GADL1: variants seen among roughly 807,000 people sequenced by gnomAD.
GADL1 encodes the protein acidic amino acid decarboxylase GADL1.
In GADL1, 71 loss-of-function variants were observed where a neutral mutation model predicts 69.5. The observed-to-expected ratio is 1.02, with a 90% CI of 0.84 to 1.25. GADL1 has a LOEUF of 1.25. Among genes scored for constraint, GADL1 ranks in the 50% most tolerant of loss-of-function variants. The pLI is 0.00. For synonymous variants in GADL1, 254 were observed against 214.4 expected, an observed-to-expected ratio of 1.18 and a Z score of -1.62; for missense variants, 737 against 631.8, an observed-to-expected ratio of 1.17 and a Z score of -1.79.
At chr3:30,765,352 C>T (rs1259792515) in intron 14 of GADL1, among the ~76,000 whole-genome samples, 1 of 152,152 alleles carries the variant, frequency 6.6e-6, no homozygotes, top group African/African-American at 2.4e-5. Flanking sequence ...TTCTGTAAAA[C>T]TACAGGTGGG....
intron 14 of GADL1, among the ~76,000 whole-genome samples, chr3:30,753,153 T>C (rs1695873344): frequency 6.6e-6 from 1 of 152,200 alleles, no homozygotes; most frequent in Non-Finnish European, 1.5e-5. Flanking sequence ...ATCTTCTAAG[T>C]AACCTTGCGA....
At chr3:30,783,210 GAGAAA>G (rs1696707133) in intron 13 of GADL1, among the ~76,000 whole-genome samples, 1 of 152,032 alleles carries the variant, frequency 6.6e-6, no homozygotes, top group African/African-American at 2.4e-5. Flanking sequence ...TGTAGACCTT[GAGAAA>G]AGAAAAAGTT....
Position 30,801,093 on chromosome 3 carries a change from G to T in GADL1, c.1051-5C>A. 6.3e-7 allele frequency: 1 copy of T among 1,578,876 alleles called. No individual in the cohort carries two copies. The highest frequency in any genetic ancestry group is 8.6e-7 in the Non-Finnish European group (1 of 1,156,418). On this transcript the variant is annotated splice_region_variant and splice_polypyrimidine_tract_variant and intron_variant, in intron 11 of 14. Transcript: ENST00000282538. ...GTAGCATTTTTTAAGAAGATCCTTC[G>T]AAAAAGAAAAGATTACAAGACTGTT...
rs1156298136 is a variant in GADL1 at position 30,815,800 on chromosome 3, T to A, written c.1051-14712A>T. ...CACTGTTACGGCTTTACAATTCAGT[T>A]TTAGGTGGGAAACAGGGTTGATCCA... On this transcript the variant is annotated intron_variant, in intron 11 of 14. Transcript: ENST00000282538. Among the ~76,000 whole-genome samples the A allele has an allele frequency of 2.0e-5, 3 of 152,194 alleles. No individual in the cohort carries two copies. In the East Asian group the frequency reaches 5.8e-4, roughly 29 times the overall value.
At chr3:30,855,064 G>A (rs1698206644) in intron 3 of GADL1, among the ~76,000 whole-genome samples, 2 of 152,080 alleles carry the variant, frequency 1.3e-5, no homozygotes, top group Non-Finnish European at 1.5e-5. Context: ...CTAGATCCAG[G>A]TGATGGCTCC....
intron 14 of GADL1, among the ~76,000 whole-genome samples, chr3:30,768,514 G>A (rs1696339201): frequency 1.4e-5 from 2 of 141,404 alleles, no homozygotes; most frequent in South Asian, 2.4e-4. Context: ...CAAGATATTA[G>A]AGGAAATAAG....
chr3:30,833,989 G>T, intron 10 of GADL1, 55 bp from the exon 11 acceptor site: 3 of 1,194,558 alleles, frequency 2.5e-6, no homozygotes, highest in African/African-American at 1.5e-5. Flanking sequence ...GTTTCTACAG[G>T]CAATGGAATA....
chr3:30,821,547 A>C (rs985824142), intron 11 of GADL1, among the ~76,000 whole-genome samples: 1 of 152,022 alleles, frequency 6.6e-6, no homozygotes, highest in Admixed American at 6.6e-5. Flanking sequence ...ATAAGAAGTT[A>C]AAAAGAATCT....
chr3:30,847,411 A>G (rs1178890450), intron 6 of GADL1, among the ~76,000 whole-genome samples: 1 of 152,214 alleles, frequency 6.6e-6, no homozygotes, highest in Non-Finnish European at 1.5e-5. Context: ...GTACTGGGCC[A>G]TGGACCAAAC....
At chr3:30,806,734 A>G (rs1279919432) in intron 11 of GADL1, among the ~76,000 whole-genome samples, 1 of 152,214 alleles carries the variant, frequency 6.6e-6, no homozygotes, top group East Asian at 1.9e-4. Flanking sequence ...GAGAGCTGAA[A>G]AGTGAGGGAC....
intron 14 of GADL1, among the ~76,000 whole-genome samples, chr3:30,748,135 C>T (rs1021756366): frequency 6.6e-6 from 1 of 152,166 alleles, no homozygotes; most frequent in Non-Finnish European, 1.5e-5. Context: ...TTGGTGTTTT[C>T]TCACCTTCCT....
intron 14 of GADL1, among the ~76,000 whole-genome samples, chr3:30,735,663 C>A (rs1695532025): frequency 6.6e-6 from 1 of 152,188 alleles, no homozygotes; most frequent in African/African-American, 2.4e-5. Context: ...AGGGTCAGTC[C>A]TAGGGAATTT....
At chr3:30,883,863 T>C (rs1698673251) in intron 1 of GADL1, among the ~76,000 whole-genome samples, 1 of 152,040 alleles carries the variant, frequency 6.6e-6, no homozygotes, top group Admixed American at 6.6e-5. Context: ...ATCTCCTTCA[T>C]TGGGTTTGTT....
intron 14 of GADL1, among the ~76,000 whole-genome samples, chr3:30,739,830 T>C (rs1695591019): frequency 6.6e-6 from 1 of 152,194 alleles, no homozygotes; most frequent in South Asian, 2.1e-4. Context: ...TTGTTCCTCC[T>C]GGAAATCTTT....
Position 30,844,251 on chromosome 3 carries a change from G to T in GADL1, c.745C>A (p.Pro249Thr). ...CAGACTTGCTTCTCCAGTTCCTCAG[G>T]TATCATTTTACCTCTAAGGGACAAA... is the stretch of plus-strand genomic sequence containing the variant. ...VETDGRGKMIPEELEKQVWQA... is the reference protein window; with the variant it reads ...VETDGRGKMITEELEKQVWQA... Residue 249 changes from proline to threonine, a missense_variant, in exon 8 of 15, where the codon CCT (proline) becomes ACT (threonine). Transcript: ENST00000282538. 1 of 1,612,176 alleles carries T rather than the reference G, an allele frequency of 6.2e-7. No individual in the cohort carries two copies. Among genetic ancestry groups the T allele is most frequent in the Non-Finnish European group, 8.5e-7 (1 of 1,179,232 alleles).
intron 12 of GADL1, among the ~76,000 whole-genome samples, chr3:30,795,899 T>C (rs931103256): frequency 7.2e-5 from 11 of 152,186 alleles, no homozygotes; most frequent in Non-Finnish European, 1.5e-4. Context: ...AGAGGAGGGA[T>C]TATTTTTCAA....
intron 12 of GADL1, among the ~76,000 whole-genome samples, chr3:30,792,915 T>G (rs551161523): frequency 6.6e-6 from 1 of 152,290 alleles, no homozygotes; most frequent in Admixed American, 6.5e-5. Context: ...GTTCCCAGAT[T>G]GAACATTGCT....
chr3:30,800,776 C>G, intron 12 of GADL1, 113 bp downstream of exon 12: 6 of 834,044 alleles, frequency 7.2e-6, no homozygotes, highest in Non-Finnish European at 1.1e-5. Context: ...GTATTACTTT[C>G]CTTAGGTCTT....
rs377397772 is a variant in GADL1, at chr3:30,800,996, A to G, written c.1143T>C (p.Ser381=). ...YDVSYDTGDK[S]IQCSRRPDAF... ...CATCTGGTCTTCTGCTACACTGGAT[A>G]GACTTGTCTCCTGTGTCATAGCTCA... Residue 381 remains serine, a synonymous_variant, in exon 12 of 15, where the codon TCT becomes TCC. Transcript: ENST00000282538. 1.2e-6 allele frequency: 2 copies of G among 1,613,886 alleles called. No individual in the cohort carries two copies. The highest frequency in any genetic ancestry group is 2.7e-5 in the African/African-American group (2 of 74,932).
Sources: gnomAD v4.1 joint callset for allele counts (sites outside exome capture counted in the v4.1 genomes callset) on GRCh38, gnomAD v4.1.1 for gene constraint, MANE v1.5 for transcripts, NCBI Gene and HGNC (gene_info 2026-07-23, HGNC 2026-07-21) for gene names.